Variants in PLEKHA5 observed in about 807,000 individuals in gnomAD.
PLEKHA5 encodes the protein pleckstrin homology domain-containing family A member 5.
PLEKHA5 carries 55 observed loss-of-function variants against 181.9 expected under a neutral mutation model. The observed-to-expected ratio is 0.30, with a 90% CI of 0.24 to 0.38. PLEKHA5 has a LOEUF of 0.38. Ranked by LOEUF, PLEKHA5 falls within the 10% of genes least tolerant of loss-of-function variation. The probability of loss-of-function intolerance (pLI) is 1.00; values close to 1 mark genes in which losing one functional copy is unlikely to be tolerated. For synonymous variants in PLEKHA5, 535 were observed against 529.4 expected (o/e 1.01, Z -0.15); for missense variants, 1,432 against 1,549.5 (o/e 0.92, Z 1.27).
At chr12:19,272,069 T>C (rs1424595007) in intron 10 of PLEKHA5, among the ~76,000 whole-genome samples, 2 of 152,206 alleles carry the variant, frequency 1.3e-5, no homozygotes, top group Non-Finnish European at 2.9e-5. Context: ...ATCCAGTTTT[T>C]AACTTGAGAG....
chr12:19,153,712 A>G (rs2041010099), intron 3 of PLEKHA5: 1 of 152,178 alleles, frequency 6.6e-6, no homozygotes. Flanking sequence ...ACAGTATCAT[A>G]CAGAATAGTT....
chr12:19,367,258 C>CTTT (rs376634416), intron 30 of PLEKHA5, among the ~76,000 whole-genome samples: 15 of 72,004 alleles, frequency 2.1e-4, no homozygotes, highest in African/African-American at 7.8e-4. Context: ...TTTGCTTCTT[C>CTTT]TTTTTTTTTT....
At chr12:19,161,449 C>G (rs2042943447) in intron 3 of PLEKHA5, among the ~76,000 whole-genome samples, 1 of 152,172 alleles carries the variant, frequency 6.6e-6, no homozygotes, top group South Asian at 2.1e-4. Context: ...GTGTTAAAAA[C>G]TAACAGACTT....
intron 15 of PLEKHA5, chr12:19,307,019 TTCC>T: frequency 1.3e-6 from 2 of 1,491,654 alleles, no homozygotes; most frequent in Non-Finnish European, 1.9e-6. Context: ...CCTACTCTTG[TTCC>T]TGCCCTTGCT....
intron 10 of PLEKHA5, among the ~76,000 whole-genome samples, chr12:19,273,033 A>C (rs2073452893): frequency 6.6e-6 from 1 of 151,168 alleles, no homozygotes. Context: ...CAGCCTCCCG[A>C]GTAGGTGGGA....
At chr12:19,131,844 C>T (rs1461359523) in intron 2 of PLEKHA5, among the ~76,000 whole-genome samples, 1 of 152,170 alleles carries the variant, frequency 6.6e-6, no homozygotes, top group Non-Finnish European at 1.5e-5. Flanking sequence ...AACTTTACTA[C>T]TTGAAACTTC....
At chr12:19,198,692 A>G (rs1287793689) in intron 3 of PLEKHA5, among the ~76,000 whole-genome samples, 1 of 152,156 alleles carries the variant, frequency 6.6e-6, no homozygotes, top group Middle Eastern at 3.2e-3. Flanking sequence ...GATTTTTTTA[A>G]TTACAAATTT....
Position 19,247,974 on chromosome 12 carries a change from C to T in PLEKHA5, c.228-5966C>T, listed in dbSNP as rs1346326395. Among the ~76,000 whole-genome samples, 3 of 151,316 alleles carry T rather than the reference C, an allele frequency of 2.0e-5. No homozygotes were observed. The East Asian group carries it at 5.8e-4, about 29-fold the overall frequency. ...GAGAGACAAGGTCTTGCTCTGCTGC[C>T]CAGGCTGGAGTGCAGTGGTAATCAT... On this transcript the variant is annotated intron_variant, in intron 3 of 31. Coordinates refer to ENST00000429027, the MANE Select transcript of PLEKHA5 (RefSeq NM_001256470.2).
intron 20 of PLEKHA5, among the ~76,000 whole-genome samples, chr12:19,326,585 A>G (rs1037768113): frequency 6.6e-6 from 1 of 152,044 alleles, no homozygotes; most frequent in Non-Finnish European, 1.5e-5. Context: ...ATTTATTTTT[A>G]TTTTATTTTA....
chr12:19,327,254 T>G (rs950169368), intron 20 of PLEKHA5, among the ~76,000 whole-genome samples: 9 of 150,182 alleles, frequency 6.0e-5, no homozygotes, highest in Non-Finnish European at 1.0e-4. Context: ...TTTGTTTTTT[T>G]TTTTTTTTTT....
chr12:19,340,440 G>T (rs1229139741), intron 21 of PLEKHA5, among the ~76,000 whole-genome samples: 3,591 of 52,546 alleles, frequency 0.068, no homozygotes, highest in Middle Eastern at 0.16. Context: ...CCACCACCCC[G>T]TCTGGGAGGT....
intron 13 of PLEKHA5, among the ~76,000 whole-genome samples, chr12:19,290,417 C>T (rs939755269): frequency 2.0e-5 from 3 of 152,136 alleles, no homozygotes; most frequent in African/African-American, 7.2e-5. Context: ...TTGTACTTAA[C>T]ATTTAAATGT....
intron 15 of PLEKHA5, among the ~76,000 whole-genome samples, chr12:19,300,004 G>C (rs145987542): frequency 1.3e-5 from 2 of 152,122 alleles, no homozygotes. Context: ...AAAGCACTCC[G>C]TTCTCTGCAT....
intron 20 of PLEKHA5, among the ~76,000 whole-genome samples, chr12:19,323,963 CT>C (rs2091521617): frequency 6.6e-6 from 1 of 152,044 alleles, no homozygotes; most frequent in African/African-American, 2.4e-5. Flanking sequence ...AAACAGCTGG[CT>C]TTAGGTCCTA....
chr12:19,271,505 AAAAAAT>A (rs2072774645), intron 10 of PLEKHA5, among the ~76,000 whole-genome samples: 1 of 152,188 alleles, frequency 6.6e-6, no homozygotes, highest in South Asian at 2.1e-4. Flanking sequence ...CCCTGTCAAA[AAAAAAT>A]AAAAATAAAA....
intron 15 of PLEKHA5, among the ~76,000 whole-genome samples, chr12:19,308,791 A>G (rs2085125389): frequency 6.6e-6 from 1 of 152,128 alleles, no homozygotes; most frequent in Non-Finnish European, 1.5e-5. Flanking sequence ...TCACCCCTGT[A>G]ATTTTAGCAC....
chr12:19,187,658 T>C (rs773297092), intron 3 of PLEKHA5, among the ~76,000 whole-genome samples: 2 of 152,198 alleles, frequency 1.3e-5, no homozygotes, highest in African/African-American at 2.4e-5. Context: ...CAGATCTTTT[T>C]AGTGTGGAAG....
intron 3 of PLEKHA5, among the ~76,000 whole-genome samples, chr12:19,206,576 T>G (rs745882510): frequency 1.6e-4 from 25 of 151,968 alleles, no homozygotes; most frequent in Non-Finnish European, 3.2e-4. Flanking sequence ...AAAAATGATG[T>G]GGGGGGTGGG....
intron 20 of PLEKHA5, among the ~76,000 whole-genome samples, chr12:19,328,997 A>C (rs1417512620): frequency 6.6e-6 from 1 of 152,076 alleles, no homozygotes; most frequent in East Asian, 1.9e-4. Flanking sequence ...TTACTATTTT[A>C]GGGCATATTC....
Sources: allele counts gnomAD v4.1 joint callset (sites outside exome capture counted in the v4.1 genomes callset), GRCh38; gene constraint gnomAD v4.1.1; transcripts MANE v1.5; gene names NCBI Gene and HGNC (gene_info 2026-07-23, HGNC 2026-07-21).